The following STIM1 variants were observed in gnomAD, a reference collection of about 807,000 sequenced individuals.
STIM1 encodes stromal interaction molecule 1.
Under a neutral mutation model 74.7 loss-of-function variants are expected in STIM1, and 25 were observed. That is an observed-to-expected ratio of 0.33 (90% CI 0.24 to 0.47). The LOEUF (loss-of-function observed/expected upper bound fraction) is 0.47. Among genes scored for constraint, STIM1 ranks in the 20% least tolerant of loss-of-function variants. STIM1 has a pLI of 1.00. For missense variants in STIM1, 728 were observed against 920.8 expected (o/e 0.79, Z 2.71); for synonymous variants, 328 against 348.8 (o/e 0.94, Z 0.66).
intron 1 of STIM1, among the ~76,000 whole-genome samples, chr11:3,919,419 G>T (rs2092690941): frequency 6.6e-6 from 1 of 152,012 alleles, no homozygotes. Flanking sequence ...TGGCCAGGCT[G>T]GTCTCGAACT....
chr11:4,050,604 A>G (rs1008559448), intron 3 of STIM1, among the ~76,000 whole-genome samples: 1 of 152,150 alleles, frequency 6.6e-6, no homozygotes, highest in Non-Finnish European at 1.5e-5. Context: ...TTTGAGATAT[A>G]TTATTGTTAT....
chr11:3,884,566 C>G (rs910211537), intron 1 of STIM1, among the ~76,000 whole-genome samples: 1 of 152,134 alleles, frequency 6.6e-6, no homozygotes, highest in Non-Finnish European at 1.5e-5. Flanking sequence ...AAGGGAATAG[C>G]CTTGGGAACT....
rs910171129 is a variant in STIM1 at position 3,902,710 on chromosome 11, C to A, written c.139+46301C>A. Among the ~76,000 whole-genome samples the A allele has an allele frequency of 2.6e-5, 4 of 152,160 alleles. No homozygotes were observed. In the East Asian group the frequency reaches 7.7e-4, roughly 29 times the overall value. ...CAGCCTGAGGGTTGGGGACCCTTGG[C>A]ATAGGGAATAGAATGCTCAGGAGAA... On this transcript the variant is annotated intron_variant, in intron 1 of 12. Transcript: ENST00000526596.
At chr11:3,884,060 G>A (rs1292733877) in intron 1 of STIM1, among the ~76,000 whole-genome samples, 4 of 152,144 alleles carry the variant, frequency 2.6e-5, no homozygotes, top group African/African-American at 9.7e-5. Flanking sequence ...CAGGGCAAAG[G>A]ATTAGAGAGT....
intron 6 of STIM1, among the ~76,000 whole-genome samples, chr11:4,072,610 A>G (rs1445059316): frequency 6.6e-6 from 1 of 152,240 alleles, no homozygotes; most frequent in Non-Finnish European, 1.5e-5. Flanking sequence ...CATCTCTAAC[A>G]GACCTTATTG....
intron 6 of STIM1, among the ~76,000 whole-genome samples, chr11:4,072,147 C>T (rs937450012): frequency 1.3e-5 from 2 of 152,144 alleles, no homozygotes; most frequent in South Asian, 2.1e-4. Flanking sequence ...GCACTCCCTG[C>T]TCCCTAAAGC....
intron 12 of STIM1, chr11:4,089,100 G>A (rs1018900581): frequency 1.4e-5 from 4 of 283,810 alleles, no homozygotes; most frequent in African/African-American, 8.7e-5. Context: ...GTTGGGCATG[G>A]TGGCACATGC....
chr11:4,052,717 CA>C (rs2094253484), intron 3 of STIM1, among the ~76,000 whole-genome samples: 1 of 152,170 alleles, frequency 6.6e-6, no homozygotes, highest in Non-Finnish European at 1.5e-5. Flanking sequence ...GCAATGGCAA[CA>C]AAAGCCAAAA....
intron 10 of STIM1, 25 bp downstream of exon 10, chr11:4,083,523 A>AAGG: frequency 6.3e-7 from 1 of 1,595,412 alleles, no homozygotes; most frequent in Non-Finnish European, 8.6e-7. Context: ...TGCGGGGATG[A>AAGG]AGGAAGGAGC....
chr11:3,982,890 A>G (rs2093520284), intron 2 of STIM1, among the ~76,000 whole-genome samples: 1 of 152,156 alleles, frequency 6.6e-6, no homozygotes, highest in South Asian at 2.1e-4. Context: ...AGGGCCCTGT[A>G]GAAAAGCACT....
At chr11:3,872,001 C>T (rs181013760) in intron 1 of STIM1, among the ~76,000 whole-genome samples, 31 of 152,284 alleles carry the variant, frequency 2.0e-4, no homozygotes, top group Admixed American at 1.8e-3. Context: ...ATCCCTCTCT[C>T]TTTAGTACCC....
intron 2 of STIM1, among the ~76,000 whole-genome samples, chr11:3,982,561 T>C (rs2093516966): frequency 6.6e-6 from 1 of 152,182 alleles, no homozygotes; most frequent in South Asian, 2.1e-4. Flanking sequence ...CATATAATCC[T>C]TACAAGAAAT....
At chr11:4,013,122 G>A (rs1177184406) in intron 2 of STIM1, among the ~76,000 whole-genome samples, 1 of 152,182 alleles carries the variant, frequency 6.6e-6, no homozygotes, top group Non-Finnish European at 1.5e-5. Flanking sequence ...TGTATTCGGT[G>A]TGCCAGTATT....
At chr11:3,862,466 A>T in intron 1 of STIM1, among the ~76,000 whole-genome samples, 1 of 152,102 alleles carries the variant, frequency 6.6e-6, no homozygotes, top group Non-Finnish European at 1.5e-5. Flanking sequence ...GTGATAGAGG[A>T]GGGGAGTATT....
At chr11:4,014,509 A>G (rs987147472) in intron 2 of STIM1, among the ~76,000 whole-genome samples, 4 of 152,206 alleles carry the variant, frequency 2.6e-5, no homozygotes, top group Non-Finnish European at 5.9e-5. Context: ...TGTGGTGCTG[A>G]GAAGAATGTA....
chr11:4,060,172 G>A lies in STIM1; in HGVS notation c.613+776G>A, dbSNP rs533592772. Among the ~76,000 whole-genome samples the A allele has an allele frequency of 2.7e-4, 41 of 152,292 alleles. No homozygotes were observed. The East Asian group carries it at 3.1e-3, about 11-fold the overall frequency. On this transcript the variant is annotated intron_variant, in intron 5 of 12. Coordinates refer to ENST00000526596, the MANE Select transcript of STIM1 (RefSeq NM_001382567.1). ...TTGTTCAGTCTCTACAGATCTATGT[G>A]GTAGGAACGGCCAGCCTGTAATCCT...
intron 1 of STIM1, among the ~76,000 whole-genome samples, chr11:3,884,842 A>G (rs1198762909): frequency 6.6e-6 from 1 of 152,156 alleles, no homozygotes; most frequent in Non-Finnish European, 1.5e-5. Context: ...AAATGGAGTT[A>G]AGTGTTGATA....
intron 6 of STIM1, among the ~76,000 whole-genome samples, chr11:4,074,048 A>C (rs939508977): frequency 6.6e-6 from 1 of 152,176 alleles, no homozygotes; most frequent in African/African-American, 2.4e-5. Flanking sequence ...ATACCACTAC[A>C]TAAGAGGAAT....
chr11:4,065,194 G>A (rs951824201), intron 5 of STIM1, among the ~76,000 whole-genome samples: 1 of 152,136 alleles, frequency 6.6e-6, no homozygotes, highest in African/African-American at 2.4e-5. Context: ...TAATTGTTGC[G>A]GGTCAGGGGC....
Sources: allele counts gnomAD v4.1 joint callset (sites outside exome capture counted in the v4.1 genomes callset), GRCh38; gene constraint gnomAD v4.1.1; transcripts MANE v1.5; gene names NCBI Gene and HGNC (gene_info 2026-07-23, HGNC 2026-07-21).